SUMF1: variants seen among roughly 807,000 people sequenced by gnomAD.
SUMF1 encodes the protein sulfatase modifying factor 1, also known as formylglycine-generating enzyme.
SUMF1 carries 48 observed loss-of-function variants against 47.6 expected under a neutral mutation model. The ratio of observed to expected loss-of-function variants is 1.01; its 90% CI spans 0.80 to 1.28. SUMF1 has a LOEUF of 1.28. Ranked by LOEUF, SUMF1 falls within the 50% of genes most tolerant of loss-of-function variation. SUMF1 has a pLI of 0.00. For synonymous variants in SUMF1, 230 were observed against 192.1 expected (o/e 1.20, Z -1.63); for missense variants, 571 against 485.4 (o/e 1.18, Z -1.66).
chr3:4,138,867 T>C (rs1253579677), intron 8 of SUMF1, among the ~76,000 whole-genome samples: 1 of 152,122 alleles, frequency 6.6e-6, no homozygotes, highest in Non-Finnish European at 1.5e-5. Flanking sequence ...ACCCTCAAAT[T>C]TGCAGCCAGC....
rs533973777 is a variant in SUMF1, at chr3:4,071,184, C to T, written c.1015-2439G>A. ...AAACTGGCATTAGGAGGTGCTTCCA[C>T]GATGGCTGAATAGGAACAGCTCCAG... On this transcript the variant is annotated intron_variant and NMD_transcript_variant, in intron 8 of 12. Coordinates refer to the SUMF1 transcript ENST00000448413. Among the ~76,000 whole-genome samples the T allele has an allele frequency of 1.1e-4, 17 of 152,166 alleles. 1 individual carries two copies. Among genetic ancestry groups the T allele is most frequent in the Non-Finnish European group, 2.1e-4 (14 of 67,994 alleles).
intron 3 of SUMF1, among the ~76,000 whole-genome samples, chr3:4,436,194 T>C (rs531131686): frequency 6.6e-6 from 1 of 152,148 alleles, no homozygotes; most frequent in African/African-American, 2.4e-5. Context: ...ATAGTCTAGG[T>C]TTTTTCCAAT....
At chr3:4,252,378 A>ACACACACACACACC (rs138232038) in intron 8 of SUMF1, among the ~76,000 whole-genome samples, 2 of 150,336 alleles carry the variant, frequency 1.3e-5, no homozygotes, top group African/African-American at 4.9e-5. Context: ...ACACACACAC[A>ACACACACACACACC]CCCCACTGGC....
intron 7 of SUMF1, among the ~76,000 whole-genome samples, chr3:4,389,477 C>T (rs894204297): frequency 2.0e-5 from 3 of 152,086 alleles, no homozygotes; most frequent in Non-Finnish European, 4.4e-5. Flanking sequence ...TGCTTAGCTC[C>T]TTGAATCTGT....
At chr3:4,253,716 G>A (rs13083988) in intron 8 of SUMF1, among the ~76,000 whole-genome samples, 1 of 147,882 alleles carries the variant, frequency 6.8e-6, no homozygotes, top group Admixed American at 6.7e-5. Flanking sequence ...GGCTTGATTA[G>A]GTAAACAAAG....
At chr3:4,113,670 T>C (rs759691490) in intron 8 of SUMF1, among the ~76,000 whole-genome samples, 2 of 151,878 alleles carry the variant, frequency 1.3e-5, no homozygotes, top group Non-Finnish European at 2.9e-5. Flanking sequence ...TAAGAGAAAA[T>C]ACTAAAGGTT....
intron 8 of SUMF1, among the ~76,000 whole-genome samples, chr3:4,134,589 G>T (rs958628766): frequency 2.0e-5 from 3 of 152,090 alleles, no homozygotes; most frequent in African/African-American, 7.2e-5. Flanking sequence ...ACATTCAAAA[G>T]CAGAAGGCAG....
At chr3:4,153,576 A>ACTC (rs1694387661) in intron 8 of SUMF1, among the ~76,000 whole-genome samples, 1 of 148,120 alleles carries the variant, frequency 6.8e-6, no homozygotes, top group Non-Finnish European at 1.5e-5. Flanking sequence ...TGACAGAGGA[A>ACTC]CTCCTTATAA....
intron 8 of SUMF1, among the ~76,000 whole-genome samples, chr3:4,094,191 A>C (rs1692849840): frequency 6.6e-6 from 1 of 152,090 alleles, no homozygotes; most frequent in South Asian, 2.1e-4. Context: ...AAGGGAAAAG[A>C]GATAACAGTT....
chr3:4,362,478 T>C (rs1699799666), intron 8 of SUMF1, among the ~76,000 whole-genome samples: 1 of 152,178 alleles, frequency 6.6e-6, no homozygotes, highest in Admixed American at 6.5e-5. Flanking sequence ...AGTACAAAGA[T>C]GTTCAGCATT....
chr3:4,220,265 C>T (rs1047534354), intron 8 of SUMF1, among the ~76,000 whole-genome samples: 2 of 152,100 alleles, frequency 1.3e-5, no homozygotes, highest in African/African-American at 4.8e-5. Flanking sequence ...GATTTAGCTA[C>T]GGTTCATGCT....
At chr3:4,262,780 T>C (rs929334203) in intron 8 of SUMF1, among the ~76,000 whole-genome samples, 1 of 152,140 alleles carries the variant, frequency 6.6e-6, no homozygotes, top group Non-Finnish European at 1.5e-5. Context: ...CAACTGTCCA[T>C]GAGGCCATGA....
At chr3:4,089,277 T>G (rs755404429) in intron 8 of SUMF1, among the ~76,000 whole-genome samples, 1 of 152,172 alleles carries the variant, frequency 6.6e-6, no homozygotes, top group East Asian at 1.9e-4. Flanking sequence ...ACTTTCCCTA[T>G]GATTAGTAAT....
chr3:4,283,333 C>A (rs1001794581), intron 8 of SUMF1, among the ~76,000 whole-genome samples: 12 of 152,162 alleles, frequency 7.9e-5, no homozygotes, highest in African/African-American at 2.4e-4. Flanking sequence ...AAGAACTATA[C>A]GTTCAACTAG....
intron 3 of SUMF1, among the ~76,000 whole-genome samples, chr3:4,437,119 C>T (rs750645488): frequency 8.6e-5 from 13 of 151,982 alleles, no homozygotes; most frequent in South Asian, 2.1e-4. Flanking sequence ...ATCCCTGAGA[C>T]GCAGAAAGGA....
chr3:4,233,860 G>C (rs1696352858), intron 8 of SUMF1, among the ~76,000 whole-genome samples: 1 of 152,118 alleles, frequency 6.6e-6, no homozygotes, highest in Admixed American at 6.6e-5. Flanking sequence ...AACAGCACCA[G>C]GGTTTGCACC....
At chr3:4,269,742 A>C (rs1313146994) in intron 8 of SUMF1, among the ~76,000 whole-genome samples, 1 of 152,232 alleles carries the variant, frequency 6.6e-6, no homozygotes, top group Non-Finnish European at 1.5e-5. Context: ...GAAGCCATGA[A>C]GCTCACAATG....
At position 4,131,171 on chromosome 3, in the gene SUMF1, C is replaced by T. The variant is rs145547904; in HGVS notation, c.1015-62426G>A. On this transcript the variant is annotated intron_variant and NMD_transcript_variant, in intron 8 of 12. Coordinates refer to the SUMF1 transcript ENST00000448413. ...CTATCATGAACTGGGTGTTTTCTGA[C>T]CCATCTAGCCATGAAGTGTGTCATG... is the stretch of plus-strand genomic sequence containing the variant. Among the ~76,000 whole-genome samples the T allele has an allele frequency of 2.2e-3, 342 of 152,258 alleles. 2 individuals are homozygous for T. Among genetic ancestry groups the T allele is most frequent in the African/African-American group, 7.7e-3 (319 of 41,548 alleles).
intron 8 of SUMF1, among the ~76,000 whole-genome samples, chr3:4,325,712 T>C (rs1003242538): frequency 5.3e-5 from 8 of 152,142 alleles, no homozygotes; most frequent in African/African-American, 1.9e-4. Context: ...AAAGCACAGT[T>C]TTAGTTTCTA....
Sources: gnomAD v4.1 joint callset for allele counts (sites outside exome capture counted in the v4.1 genomes callset) on GRCh38, gnomAD v4.1.1 for gene constraint, MANE v1.5 for transcripts, NCBI Gene and HGNC (gene_info 2026-07-23, HGNC 2026-07-21) for gene names.